MDFIC: variants seen among roughly 807,000 people sequenced by gnomAD.
MDFIC encodes MyoD family inhibitor domain containing, also known as myoD family inhibitor domain-containing protein.
In MDFIC, 17 loss-of-function variants were observed where a neutral mutation model predicts 23.2. The observed-to-expected ratio is 0.73, with a 90% CI of 0.50 to 1.10. The LOEUF (loss-of-function observed/expected upper bound fraction) is 1.10. MDFIC is among the 50% of genes least tolerant of loss of function. The pLI is 0.00. For synonymous variants in MDFIC, 120 were observed against 115.2 expected (o/e 1.04, Z -0.27); for missense variants, 356 against 316.6 (o/e 1.12, Z -0.95).
chr7:114,989,117 C>T (rs918319178), intron 4 of MDFIC, among the ~76,000 whole-genome samples: 3 of 151,882 alleles, frequency 2.0e-5, no homozygotes, highest in Non-Finnish European at 4.4e-5. Flanking sequence ...GAAAAGAGGA[C>T]GATTATCTGG....
Position 115,015,835 on chromosome 7 carries a change from G to A in MDFIC, c.641G>A (p.Cys214Tyr). 1 of 1,614,186 alleles carries A rather than the reference G, an allele frequency of 6.2e-7. No individual in the cohort carries two copies. Among genetic ancestry groups the A allele is most frequent in the Non-Finnish European group, 8.5e-7 (1 of 1,180,030 alleles). Residue 214 changes from cysteine to tyrosine, a missense_variant, in exon 5 of 5, where the codon TGC becomes TAC. Coordinates refer to ENST00000393486, the MANE Select transcript of MDFIC (RefSeq NM_001166345.3). ...GACGAGATGGGGGATGATTGTAACT[G>A]CCCTTGTGATATGGACTGTGGCATC... ...CGDEMGDDCN[C>Y]PCDMDCGIMD...
intron 3 of MDFIC, among the ~76,000 whole-genome samples, chr7:114,953,962 G>T (rs1380001339): frequency 6.6e-6 from 1 of 152,174 alleles, no homozygotes; most frequent in Non-Finnish European, 1.5e-5. Context: ...ATTTGTGATT[G>T]ACTGAATCCA....
chr7:114,957,724 T>C (rs996959880), intron 3 of MDFIC, among the ~76,000 whole-genome samples: 1 of 152,182 alleles, frequency 6.6e-6, no homozygotes, highest in Non-Finnish European at 1.5e-5. Flanking sequence ...AAATATAGCA[T>C]AAGACTAAGA....
At chr7:114,984,608 A>C (rs1171747428) in intron 4 of MDFIC, among the ~76,000 whole-genome samples, 1 of 152,184 alleles carries the variant, frequency 6.6e-6, no homozygotes, top group East Asian at 1.9e-4. Flanking sequence ...AAATATTTTC[A>C]TACATACTTT....
chr7:114,930,976 T>C (rs1792297279), intron 2 of MDFIC, among the ~76,000 whole-genome samples: 1 of 152,192 alleles, frequency 6.6e-6, no homozygotes. Flanking sequence ...TCAAAGAAAG[T>C]TGCTGCAGCC....
At chr7:114,964,492 TCC>T (rs201148727) in intron 3 of MDFIC, among the ~76,000 whole-genome samples, 2 of 144,728 alleles carry the variant, frequency 1.4e-5, no homozygotes, top group Non-Finnish European at 3.0e-5. Context: ...TCCCCTCCCC[TCC>T]CCTTCCCTTC....
intron 3 of MDFIC, among the ~76,000 whole-genome samples, chr7:114,948,244 C>G (rs1792689806): frequency 6.6e-6 from 1 of 152,164 alleles, no homozygotes; most frequent in Non-Finnish European, 1.5e-5. Context: ...TTCTTACTCC[C>G]AGGCTGCACG....
chr7:114,991,876 A>G (rs1056474306), intron 4 of MDFIC, among the ~76,000 whole-genome samples: 87 of 152,264 alleles, frequency 5.7e-4, no homozygotes, highest in African/African-American at 1.9e-3. Flanking sequence ...GTTTTTTCCA[A>G]TTCTGTGAAG....
chr7:115,003,212 C>T (rs900651987), intron 4 of MDFIC, among the ~76,000 whole-genome samples: 1 of 152,036 alleles, frequency 6.6e-6, no homozygotes, highest in Non-Finnish European at 1.5e-5. Flanking sequence ...CTTTTGTTAC[C>T]TTGAATCCCT....
intron 3 of MDFIC, among the ~76,000 whole-genome samples, chr7:114,958,850 C>G (rs1792933972): frequency 6.6e-6 from 1 of 152,166 alleles, no homozygotes; most frequent in Admixed American, 6.6e-5. Context: ...TTCGCCACTC[C>G]TCATTTATTA....
rs1028252433 is a variant in MDFIC at position 114,922,896 on chromosome 7, T to C, written c.-107-31T>C. The stretch of plus-strand genomic sequence containing the variant: ...GGTGTGCTCTTCTCTAAAAACATTT[T>C]TTTTTTTAATTTTGTATATTTTTCC... On this transcript the variant is annotated intron_variant, in intron 1 of 4. Coordinates refer to ENST00000393486, the MANE Select transcript of MDFIC (RefSeq NM_001166345.3). The C allele has an allele frequency of 4.5e-6, 7 of 1,558,532 alleles. No homozygotes were observed. The African/African-American group carries it at 7.0e-5, about 15-fold the overall frequency.
intron 4 of MDFIC, among the ~76,000 whole-genome samples, chr7:115,010,064 C>CAG (rs759116352): frequency 6.6e-6 from 1 of 152,060 alleles, no homozygotes; most frequent in Non-Finnish European, 1.5e-5. Context: ...AAACTGAAAT[C>CAG]TTAAGAACAG....
chr7:115,009,829 CTT>C lies in MDFIC; in HGVS notation c.494-5856_494-5855del, dbSNP rs1791645406. On this transcript the variant is annotated intron_variant, in intron 4 of 4. Coordinates refer to ENST00000393486, the MANE Select transcript of MDFIC (RefSeq NM_001166345.3). The stretch of plus-strand genomic sequence containing the variant: ...TTAAATCAAACATAGTAAAGATTTC[CTT>C]TTATGCTCTCCTTTTAGCTACTTGG... 2.0e-5 allele frequency among the ~76,000 whole-genome samples: 3 copies of C among 152,190 alleles called. No individual in the cohort carries two copies. The East Asian group carries it at 5.8e-4, about 29-fold the overall frequency.
intron 4 of MDFIC, among the ~76,000 whole-genome samples, chr7:114,995,044 T>C (rs2116048843): frequency 6.6e-6 from 1 of 152,302 alleles, no homozygotes; most frequent in South Asian, 2.1e-4. Context: ...ACTTTGTTCG[T>C]TTCTTTTACT....
chr7:114,960,863 A>G (rs1028050219), intron 3 of MDFIC, among the ~76,000 whole-genome samples: 8 of 152,206 alleles, frequency 5.3e-5, no homozygotes, highest in African/African-American at 1.9e-4. Flanking sequence ...ATAGTGGATC[A>G]AATATGTGAA....
At chr7:114,949,481 G>A (rs1481494224) in intron 3 of MDFIC, among the ~76,000 whole-genome samples, 1 of 152,128 alleles carries the variant, frequency 6.6e-6, no homozygotes, top group Non-Finnish European at 1.5e-5. Context: ...AAACTTCCTG[G>A]ATCTGAACAC....
At chr7:115,004,789 A>G (rs1050270737) in intron 4 of MDFIC, among the ~76,000 whole-genome samples, 2 of 151,796 alleles carry the variant, frequency 1.3e-5, no homozygotes, top group African/African-American at 4.8e-5. Context: ...GGCTAATTCC[A>G]TGTGCCTCTA....
In MDFIC at chr7:115,017,947, A is replaced by G. The variant is rs555295765; in HGVS notation, c.*2012A>G. ...TATCACCTGTGGTTTTTCCTTTGAG[A>G]TGAAACGTAGTTTCTAGTTATATCA... is the stretch of plus-strand genomic sequence containing the variant. On this transcript the variant is annotated 3_prime_UTR_variant, in exon 5 of 5. Coordinates refer to ENST00000393486, the MANE Select transcript of MDFIC (RefSeq NM_001166345.3). 1.4e-4 allele frequency: 21 copies of G among 152,152 alleles called. No homozygotes were observed. The East Asian group carries it at 3.9e-3, about 28-fold the overall frequency. 9.4% of individuals were successfully genotyped at this position (152,152 alleles called of 1,614,324 possible). A position where few individuals can be genotyped will look rare whatever the true frequency, so the allele number is the denominator to read the frequency against.
intron 4 of MDFIC, chr7:114,980,057 A>G (rs1315858324): frequency 1.1e-5 from 5 of 442,776 alleles, no homozygotes; most frequent in African/African-American, 4.0e-5. Flanking sequence ...GCCACATTTA[A>G]AAATATAAAT....
Sources: gnomAD v4.1 joint callset for allele counts (sites outside exome capture counted in the v4.1 genomes callset) on GRCh38, gnomAD v4.1.1 for gene constraint, MANE v1.5 for transcripts, NCBI Gene and HGNC (gene_info 2026-07-23, HGNC 2026-07-21) for gene names.